Variants in SNX25 observed in about 807,000 individuals in gnomAD.
SNX25 encodes sorting nexin-25.
A neutral mutation model predicts 113.7 loss-of-function variants in SNX25; 62 were observed. The ratio of observed to expected loss-of-function variants is 0.55; its 90% CI spans 0.44 to 0.67. The LOEUF is 0.67. SNX25 is among the 30% of genes least tolerant of loss of function. The pLI is 0.00. For synonymous variants in SNX25, 421 were observed against 436.2 expected, an observed-to-expected ratio of 0.97 and a Z score of 0.43; for missense variants, 1,014 against 1,161.0, an observed-to-expected ratio of 0.87 and a Z score of 1.84.
rs916412153 is a variant in SNX25, at chr4:185,308,169, A to G, written c.1163-2466A>G. ...TTCCCTCACCCCAACCCTTGCCTTC[A>G]GGTATATATACACAGCCAGCCCATT... On this transcript the variant is annotated intron_variant, in intron 6 of 18. Transcript: ENST00000652585. Among the ~76,000 whole-genome samples the G allele has an allele frequency of 2.6e-4, 39 of 152,224 alleles. 1 individual carries two copies. The highest frequency in any genetic ancestry group is 5.9e-5 in the Non-Finnish European group (4 of 68,040).
intron 7 of SNX25, among the ~76,000 whole-genome samples, chr4:185,314,789 C>T (rs1436267819): frequency 7.1e-6 from 1 of 141,596 alleles, no homozygotes; most frequent in Non-Finnish European, 1.5e-5. Context: ...ACCCGGGAGG[C>T]GGAAGTTGCA....
At chr4:185,343,487 T>A (rs1025355565) in intron 12 of SNX25, among the ~76,000 whole-genome samples, 19 of 152,218 alleles carry the variant, frequency 1.2e-4, no homozygotes, top group African/African-American at 4.1e-4. Flanking sequence ...AGTTAAAATG[T>A]TTGAAAGCCA....
chr4:185,285,262 A>G (rs1320339964), intron 5 of SNX25, among the ~76,000 whole-genome samples: 1 of 152,218 alleles, frequency 6.6e-6, no homozygotes, highest in African/African-American at 2.4e-5. Context: ...TATAAATATT[A>G]CTGGCTGGAT....
intron 3 of SNX25, among the ~76,000 whole-genome samples, chr4:185,261,106 G>GTC (rs1387306675): frequency 4.9e-5 from 7 of 142,450 alleles, no homozygotes; most frequent in African/African-American, 1.9e-4. Context: ...CTGTCTGTCT[G>GTC]TCTGTCTCTG....
At chr4:185,220,770 G>A (rs145745289) in intron 1 of SNX25, among the ~76,000 whole-genome samples, 89 of 152,264 alleles carry the variant, frequency 5.8e-4, no homozygotes, top group African/African-American at 1.4e-3. Flanking sequence ...GTGAGCCACT[G>A]CGCCCGGCCT....
At chr4:185,346,270 G>T (rs773210234) in intron 12 of SNX25, among the ~76,000 whole-genome samples, 1 of 152,208 alleles carries the variant, frequency 6.6e-6, no homozygotes, top group Non-Finnish European at 1.5e-5. Flanking sequence ...GTGCCACCCT[G>T]CGTGGTGTGC....
intron 1 of SNX25, among the ~76,000 whole-genome samples, chr4:185,215,172 T>G (rs1390671506): frequency 4.6e-5 from 7 of 151,378 alleles, no homozygotes; most frequent in Non-Finnish European, 8.8e-5. Context: ...GAGCTTGCAG[T>G]GAGCCGAGAT....
At chr4:185,294,143 G>T (rs1279846883) in intron 6 of SNX25, among the ~76,000 whole-genome samples, 1 of 152,178 alleles carries the variant, frequency 6.6e-6, no homozygotes, top group African/African-American at 2.4e-5. Flanking sequence ...ACAGCTGTCA[G>T]TTAGTGTAAA....
rs955855068 is a variant in SNX25, at chr4:185,341,660, A to G, written c.2047-316A>G. ...TTGGCAGAATTCAGTTCCTTTGGTCATAGAACTGAGATATCTGTTTTCTTG... is the reference window on the plus strand; with the variant it reads ...TTGGCAGAATTCAGTTCCTTTGGTCGTAGAACTGAGATATCTGTTTTCTTG... On this transcript the variant is annotated intron_variant, in intron 11 of 18. Transcript: ENST00000652585. 5.3e-4 allele frequency among the ~76,000 whole-genome samples: 81 copies of G among 152,224 alleles called. 1 individual carries two copies. The highest frequency in any genetic ancestry group is 1.9e-3 in the African/African-American group (80 of 41,462).
chr4:185,308,880 T>C (rs909821927), intron 6 of SNX25, among the ~76,000 whole-genome samples: 1 of 152,168 alleles, frequency 6.6e-6, no homozygotes, highest in Non-Finnish European at 1.5e-5. Flanking sequence ...ACCTTCTCTC[T>C]CCACCTAGGT....
intron 1 of SNX25, among the ~76,000 whole-genome samples, chr4:185,227,588 A>C (rs1203602174): frequency 1.3e-5 from 2 of 152,148 alleles, no homozygotes; most frequent in African/African-American, 4.8e-5. Context: ...TCTGCTCAGT[A>C]AGCATGCATT....
chr4:185,369,055 A>G (rs2095404468), intron 11 of SNX25, among the ~76,000 whole-genome samples: 1 of 151,894 alleles, frequency 6.6e-6, no homozygotes, highest in Admixed American at 6.6e-5. Flanking sequence ...CGGCCTCCCA[A>G]AGTGCTGGGA....
chr4:185,321,554 C>T (rs2095120339), intron 8 of SNX25, among the ~76,000 whole-genome samples: 2 of 152,114 alleles, frequency 1.3e-5, no homozygotes, highest in Non-Finnish European at 2.9e-5. Flanking sequence ...TGAGCCACCG[C>T]AGCCAGCTTT....
chr4:185,320,977 A>C lies in SNX25; in HGVS notation c.1476+113A>C, dbSNP rs543184680. 4.0e-4 allele frequency: 347 copies of C among 871,778 alleles called. 1 individual carries two copies. The highest frequency in any genetic ancestry group is 1.0e-3 in the South Asian group (30 of 30,114). 54.0% of individuals were successfully genotyped at this position (871,778 alleles called of 1,614,324 possible). A position where few individuals can be genotyped will look rare whatever the true frequency, so the allele number is the denominator to read the frequency against. On this transcript the variant is annotated intron_variant, in intron 8 of 18. Coordinates refer to ENST00000652585, the MANE Select transcript of SNX25 (RefSeq NM_001378034.2). ...GTATACATTAAAAATATTTTAAACC[A>C]AATATAATACTGACATTATGTTCTA...
At chr4:185,239,763 A>ATTTTTT (rs200021607) in intron 1 of SNX25, among the ~76,000 whole-genome samples, 7 of 122,436 alleles carry the variant, frequency 5.7e-5, no homozygotes, top group East Asian at 4.6e-4. Flanking sequence ...AATAAGGTGT[A>ATTTTTT]TTTTTTTTTT....
intron 2 of SNX25, among the ~76,000 whole-genome samples, chr4:185,250,592 G>A (rs1327712571): frequency 1.3e-5 from 2 of 152,178 alleles, no homozygotes; most frequent in Non-Finnish European, 2.9e-5. Flanking sequence ...GAAAAGCTGT[G>A]TGTAAACATG....
intron 10 of SNX25, among the ~76,000 whole-genome samples, chr4:185,333,655 A>G (rs2095211078): frequency 6.6e-6 from 1 of 152,224 alleles, no homozygotes; most frequent in Non-Finnish European, 1.5e-5. Context: ...GCAAAAAAGA[A>G]GAAGGAAGAA....
intron 13 of SNX25, 52 bp from the exon 14 acceptor site, chr4:185,351,393 G>T: frequency 6.3e-7 from 1 of 1,579,718 alleles, no homozygotes. Flanking sequence ...GTAGCTCCCA[G>T]CCACACAGAT....
In SNX25 at chr4:185,239,284, C is replaced by T. The variant is rs182806054; in HGVS notation, c.430-8010C>T. 3.1e-3 allele frequency among the ~76,000 whole-genome samples: 476 copies of T among 151,696 alleles called. 2 individuals carry two copies. The highest frequency in any genetic ancestry group is 4.7e-3 in the Non-Finnish European group (317 of 67,872). On this transcript the variant is annotated intron_variant, in intron 1 of 18. Transcript: ENST00000652585. ...ATCACTTGAGGTCAGGAGATCGAGA[C>T]CATCCTGGCCAACACGGTGAAACTC...
Sources: gnomAD v4.1 joint callset for allele counts (sites outside exome capture counted in the v4.1 genomes callset) on GRCh38, gnomAD v4.1.1 for gene constraint, MANE v1.5 for transcripts, NCBI Gene and HGNC (gene_info 2026-07-23, HGNC 2026-07-21) for gene names.